The following DYSF variants were observed in gnomAD, a reference collection of about 807,000 sequenced individuals.
The protein encoded by DYSF is dystrophy-associated fer-1-like 1.
In DYSF, 212 loss-of-function variants were observed where a neutral mutation model predicts 274.9. The ratio of observed to expected loss-of-function variants is 0.77; its 90% CI spans 0.69 to 0.86. The LOEUF (loss-of-function observed/expected upper bound fraction) is 0.86. Among genes scored for constraint, DYSF ranks in the 40% least tolerant of loss-of-function variants. The pLI is 0.00. For missense variants in DYSF, 2,666 were observed against 2,783.2 expected (o/e 0.96, Z 0.95); for synonymous variants, 1,091 against 1,078.7 (o/e 1.01, Z -0.22).
chr2:71,671,147 C>T (rs1186066328), intron 51 of DYSF, among the ~76,000 whole-genome samples: 2 of 152,188 alleles, frequency 1.3e-5, no homozygotes, highest in African/African-American at 4.8e-5. Flanking sequence ...TTCCGCGGAA[C>T]ATTCTGAAAC....
intron 6 of DYSF, 141 bp from the exon 7 acceptor site, chr2:71,513,575 G>A: frequency 1.1e-6 from 1 of 908,602 alleles, no homozygotes; most frequent in Admixed American, 2.2e-5. Flanking sequence ...TCACTGATGG[G>A]GAGGGAGGAG....
At chr2:71,580,362 G>C (rs868214579) in intron 30 of DYSF, among the ~76,000 whole-genome samples, 5 of 152,282 alleles carry the variant, frequency 3.3e-5, no homozygotes, top group African/African-American at 1.2e-4. Flanking sequence ...GGCAAGGCCA[G>C]TTGGGAGTCA....
At chr2:71,618,178 TGG>T (rs1251988175) in intron 40 of DYSF, among the ~76,000 whole-genome samples, 4 of 48,902 alleles carry the variant, frequency 8.2e-5, no homozygotes, top group South Asian at 6.9e-4. Flanking sequence ...GTGGTAGAGG[TGG>T]GGTATAAGTG....
At chr2:71,455,017 C>T (rs1347586852) in intron 1 of DYSF, among the ~76,000 whole-genome samples, 2 of 152,170 alleles carry the variant, frequency 1.3e-5, no homozygotes, top group South Asian at 2.1e-4. Flanking sequence ...CTGCCACTCC[C>T]CTTCTCCCCA....
In DYSF at chr2:71,553,915, G is replaced by T. The variant is rs770228554; in HGVS notation, c.2093G>T (p.Gly698Val). 31 of 1,614,058 alleles carry T rather than the reference G, an allele frequency of 1.9e-5. No individual in the cohort carries two copies. The South Asian group carries it at 3.2e-4, about 17-fold the overall frequency. The change falls in exon 21 of 56, where the codon GGG becomes GTG. Residue 698 changes from glycine to valine, a missense_variant. Around this residue, in one of 3 missense-constraint regions of DYSF, gnomAD observed 412 missense variants for 504.0 expected, o/e 0.82. Coordinates refer to ENST00000410020, the MANE Select transcript of DYSF (RefSeq NM_001130987.2). ...HRIETQNQLLGIADRLEAGLE... is the reference protein window; with the variant it reads ...HRIETQNQLLVIADRLEAGLE... Reference sequence around the variant, plus strand: ...ATCGAGACTCAGAACCAGCTGCTTGGGATTGCTGACCGGCTGGTGAGTGAA... The same window carrying T: ...ATCGAGACTCAGAACCAGCTGCTTGTGATTGCTGACCGGCTGGTGAGTGAA...
intron 1 of DYSF, among the ~76,000 whole-genome samples, chr2:71,469,147 A>G (rs529302947): frequency 2.6e-5 from 4 of 152,274 alleles, no homozygotes; most frequent in Admixed American, 2.6e-4. Context: ...CTTGGGAAAA[A>G]TGGGTCTGAG....
intron 1 of DYSF, among the ~76,000 whole-genome samples, chr2:71,473,546 T>A (rs1221382938): frequency 6.6e-6 from 1 of 152,150 alleles, no homozygotes; most frequent in Non-Finnish European, 1.5e-5. Context: ...ACTGGGAGTC[T>A]GAGACACCGC....
At chr2:71,671,938 T>G (rs1016788132) in intron 51 of DYSF, among the ~76,000 whole-genome samples, 2 of 151,968 alleles carry the variant, frequency 1.3e-5, no homozygotes, top group Admixed American at 6.5e-5. Flanking sequence ...TTGGTCAGAC[T>G]TGGGAGAATG....
intron 30 of DYSF, among the ~76,000 whole-genome samples, chr2:71,580,798 C>T (rs2092869190): frequency 6.6e-6 from 1 of 152,228 alleles, no homozygotes; most frequent in African/African-American, 2.4e-5. Context: ...ATTTGGGTAA[C>T]TCTAAATGCG....
rs144422408 is a variant in DYSF at position 71,656,247 on chromosome 2, C to T, written c.4712C>T (p.Thr1571Met). 219 of 1,614,042 alleles carry T rather than the reference C, an allele frequency of 1.4e-4. No individual in the cohort carries two copies. Among genetic ancestry groups the T allele is most frequent in the Non-Finnish European group, 1.6e-4 (194 of 1,180,054 alleles). The change falls in exon 43 of 56, where the codon ACG becomes ATG. Residue 1571 changes from threonine to methionine, a missense_variant. Transcript: ENST00000410020. ...CNTFKLYRGK[T>M]QEETEDPSVI... ...ACCTTCAAGCTGTACCGGGGCAAGA[C>T]GCAGGAGGAGACAGAAGATCCATCT...
intron 17 of DYSF, among the ~76,000 whole-genome samples, chr2:71,543,688 CATCTCCACCAAAA>C (rs1289411594): frequency 6.6e-6 from 1 of 152,202 alleles, no homozygotes; most frequent in African/African-American, 2.4e-5. Context: ...AGCGAAACCC[CATCTCCACCAAAA>C]AAATACGAAA....
At chr2:71,542,256 C>T (rs2089989409) in intron 17 of DYSF, among the ~76,000 whole-genome samples, 1 of 152,154 alleles carries the variant, frequency 6.6e-6, no homozygotes, top group Non-Finnish European at 1.5e-5. Flanking sequence ...TGCTGTTTAT[C>T]ATCATTAAGA....
At chr2:71,613,275 T>C in intron 39 of DYSF, 59 bp from the exon 40 acceptor site, 1 of 1,520,306 alleles carries the variant, frequency 6.6e-7, no homozygotes, top group Non-Finnish European at 9.0e-7. Flanking sequence ...CTGGGGCTGG[T>C]GAGGGGCGAG....
intron 3 of DYSF, among the ~76,000 whole-genome samples, 163 bp downstream of exon 3, chr2:71,482,133 G>T (rs1198481849): frequency 6.6e-6 from 1 of 152,192 alleles, no homozygotes; most frequent in Non-Finnish European, 1.5e-5. Context: ...GGAGAATCTG[G>T]CTGTGGCTTC....
chr2:71,625,456 G>A (rs537470115), intron 41 of DYSF, among the ~76,000 whole-genome samples: 8 of 152,150 alleles, frequency 5.3e-5, no homozygotes, highest in Non-Finnish European at 1.2e-4. Flanking sequence ...CACAGTGACA[G>A]CTGTGTCATT....
At chr2:71,597,952 A>G (rs909777605) in intron 32 of DYSF, among the ~76,000 whole-genome samples, 1 of 152,080 alleles carries the variant, frequency 6.6e-6, no homozygotes, top group African/African-American at 2.4e-5. Flanking sequence ...GCTTGCTGAA[A>G]CGCAGACCTA....
At chr2:71,645,670 C>A (rs897623276) in intron 42 of DYSF, among the ~76,000 whole-genome samples, 15 of 151,794 alleles carry the variant, frequency 9.9e-5, no homozygotes, top group Admixed American at 9.2e-4. Context: ...GGGGATGAAG[C>A]CCTCGCCAGG....
intron 17 of DYSF, 97 bp from the exon 18 acceptor site, chr2:71,550,944 T>G: frequency 3.9e-6 from 4 of 1,026,572 alleles, no homozygotes; most frequent in Non-Finnish European, 4.6e-6. Context: ...GGGGGGGAAC[T>G]GAGGGCCAGG....
At chr2:71,456,345 C>G (rs969154183) in intron 1 of DYSF, among the ~76,000 whole-genome samples, 5 of 152,172 alleles carry the variant, frequency 3.3e-5, no homozygotes, top group Admixed American at 2.6e-4. Context: ...AGCCCCTGGC[C>G]ACATTTCACG....
Sources: gnomAD v4.1 joint callset for allele counts (sites outside exome capture counted in the v4.1 genomes callset) on GRCh38, gnomAD v4.1.1 for gene constraint, gnomAD v4.1.1 regional missense constraint, MANE v1.5 for transcripts, NCBI Gene and HGNC (gene_info 2026-07-23, HGNC 2026-07-21) for gene names.